The following DPH6 variants were observed in gnomAD, a reference collection of about 807,000 sequenced individuals.
DPH6 encodes diphthine--ammonia ligase.
A neutral mutation model predicts 38.2 loss-of-function variants in DPH6; 33 were observed. The observed-to-expected ratio is 0.86, with a 90% confidence interval of 0.65 to 1.15. The LOEUF is 1.15. Among genes scored for constraint, DPH6 ranks in the 50% most tolerant of loss-of-function variants. The pLI, the probability that DPH6 is intolerant of heterozygous loss-of-function variation, is 0.00. For synonymous variants in DPH6, 108 were observed against 103.0 expected, an observed-to-expected ratio of 1.05 and a Z score of -0.30; for missense variants, 325 against 320.0, an observed-to-expected ratio of 1.02 and a Z score of -0.12.
intron 1 of DPH6, among the ~76,000 whole-genome samples, chr15:35,544,059 T>C (rs2055305029): frequency 6.6e-6 from 1 of 152,192 alleles, no homozygotes; most frequent in African/African-American, 2.4e-5. Flanking sequence ...TCAGACAAGC[T>C]TGGGAAATGC....
intron 5 of DPH6, among the ~76,000 whole-genome samples, chr15:35,417,690 A>C (rs1384388887): frequency 6.6e-6 from 1 of 152,084 alleles, no homozygotes; most frequent in Non-Finnish European, 1.5e-5. Flanking sequence ...AATCATTTTA[A>C]AGTATATGAA....
In DPH6 at chr15:35,301,863, AC is replaced by A. The variant is rs1458010459; in HGVS notation, n.200+71657del. ...GTGGCATGTGCCTGTAATCCCAGCC[AC>A]TTGGGAGGCTGAGGCAGGATAACTG... is the stretch of plus-strand genomic sequence containing the variant. On this transcript the variant is annotated intron_variant and non_coding_transcript_variant, in intron 3 of 3. Transcript: ENST00000560386. Among the ~76,000 whole-genome samples the A allele has an allele frequency of 3.3e-5, 5 of 152,138 alleles. No homozygotes were observed. The East Asian group carries it at 5.8e-4, about 18-fold the overall frequency.
chr15:35,301,324 C>T (rs2052053255), intron 3 of DPH6, among the ~76,000 whole-genome samples: 1 of 152,174 alleles, frequency 6.6e-6, no homozygotes, highest in Admixed American at 6.5e-5. Flanking sequence ...TCTAAGGTCA[C>T]TCTGTTTATA....
intron 5 of DPH6, among the ~76,000 whole-genome samples, chr15:35,445,151 T>G (rs2053835939): frequency 6.6e-6 from 1 of 152,146 alleles, no homozygotes; most frequent in East Asian, 1.9e-4. Context: ...TTACATTACA[T>G]CCAAATCCAT....
chr15:35,516,003 A>G (rs1425929085), intron 3 of DPH6, among the ~76,000 whole-genome samples: 1 of 152,200 alleles, frequency 6.6e-6, no homozygotes, highest in Admixed American at 6.5e-5. Context: ...ACCCTTTAGA[A>G]AAATTAAGCC....
At chr15:35,251,994 C>T (rs1009277655) in intron 3 of DPH6, among the ~76,000 whole-genome samples, 1 of 152,078 alleles carries the variant, frequency 6.6e-6, no homozygotes, top group Admixed American at 6.6e-5. Context: ...TAAAAATTAG[C>T]TAGGCGTGGT....
chr15:35,212,155 A>C, the DPH6 span, among the ~76,000 whole-genome samples: 1 of 152,216 alleles, frequency 6.6e-6, no homozygotes, highest in Admixed American at 6.5e-5. Context: ...GTCAGGGTAC[A>C]GCTTGGAGAT....
intron 3 of DPH6, chr15:35,522,272 T>G: frequency 1.2e-6 from 2 of 1,612,704 alleles, no homozygotes; most frequent in Non-Finnish European, 1.7e-6. Context: ...GTCATTCTAG[T>G]GATGCCCTGG....
chr15:35,344,254 A>C (rs529934304), intron 3 of DPH6, among the ~76,000 whole-genome samples: 1 of 152,140 alleles, frequency 6.6e-6, no homozygotes, highest in South Asian at 2.1e-4. Flanking sequence ...GCTGATCCTA[A>C]ATCCATTTAA....
At chr15:35,315,578 A>G (rs1045979964) in intron 3 of DPH6, among the ~76,000 whole-genome samples, 3 of 152,216 alleles carry the variant, frequency 2.0e-5, no homozygotes, top group African/African-American at 7.2e-5. Context: ...GAACCCTCAT[A>G]CACTGTTGGT....
chr15:35,266,194 AG>A (rs1432592014), intron 3 of DPH6, among the ~76,000 whole-genome samples: 1 of 152,202 alleles, frequency 6.6e-6, no homozygotes, highest in Non-Finnish European at 1.5e-5. Flanking sequence ...GCAAACTTAC[AG>A]GAGTAGCCAG....
rs6145522 is a variant in DPH6, at chr15:35,543,259, AATATATATATATATATATATAT to A, written c.24-774_24-753del. Among the ~76,000 whole-genome samples the A allele has an allele frequency of 1.6e-3, 181 of 114,098 alleles. 4 individuals carry two copies. The highest frequency in any genetic ancestry group is 5.7e-3 in the African/African-American group (139 of 24,300). The allele number at this position is 114,098 out of a possible 152,430, so 74.9% of individuals were successfully genotyped here. A position where few individuals can be genotyped will look rare whatever the true frequency, so the allele number is the denominator to read the frequency against. On this transcript the variant is annotated intron_variant, in intron 1 of 8. Coordinates refer to ENST00000256538, the MANE Select transcript of DPH6 (RefSeq NM_080650.4). ...ATACATATAGTACACACATACACAT[AATATATATATATATATATATAT>A]ATATATATATATATATATATATGAT...
the DPH6 span, among the ~76,000 whole-genome samples, chr15:35,185,338 G>C: frequency 6.6e-6 from 1 of 152,188 alleles, no homozygotes; most frequent in Non-Finnish European, 1.5e-5. Flanking sequence ...GATCAGGTAT[G>C]AGGAAGAGAC....
intron 5 of DPH6, among the ~76,000 whole-genome samples, chr15:35,434,260 A>G (rs1458621224): frequency 6.6e-6 from 1 of 152,206 alleles, no homozygotes; most frequent in Non-Finnish European, 1.5e-5. Flanking sequence ...TTGATTAGGA[A>G]GTGATAAAAA....
At chr15:35,443,938 C>T (rs117969946) in intron 5 of DPH6, among the ~76,000 whole-genome samples, 33 of 152,256 alleles carry the variant, frequency 2.2e-4, no homozygotes, top group Non-Finnish European at 4.3e-4. Flanking sequence ...AAATTGGACA[C>T]CTTACCCAGT....
chr15:35,464,432 A>C (rs973719498), intron 3 of DPH6, among the ~76,000 whole-genome samples: 2 of 152,248 alleles, frequency 1.3e-5, no homozygotes, highest in African/African-American at 4.8e-5. Context: ...CTAAACAGTC[A>C]GAAATGCTGA....
At chr15:35,333,207 T>C (rs1043882654) in intron 3 of DPH6, among the ~76,000 whole-genome samples, 6 of 152,116 alleles carry the variant, frequency 3.9e-5, no homozygotes, top group Admixed American at 1.3e-4. Flanking sequence ...TATCTGAGAA[T>C]GGCAAACAGA....
At chr15:35,339,342 T>A (rs1175348690) in intron 3 of DPH6, among the ~76,000 whole-genome samples, 1 of 143,628 alleles carries the variant, frequency 7.0e-6, no homozygotes, top group East Asian at 2.0e-4. Flanking sequence ...TATTATTATT[T>A]GAGATGGAGT....
At chr15:35,231,501 C>A (rs949417645) in intron 3 of DPH6, among the ~76,000 whole-genome samples, 10 of 152,308 alleles carry the variant, frequency 6.6e-5, no homozygotes, top group African/African-American at 1.9e-4. Context: ...TTGGTTCATA[C>A]AAAGGTGCTT....
Sources: allele counts gnomAD v4.1 joint callset (sites outside exome capture counted in the v4.1 genomes callset), GRCh38; gene constraint gnomAD v4.1.1; transcripts MANE v1.5; gene names NCBI Gene and HGNC (gene_info 2026-07-23, HGNC 2026-07-21).